Variants in AP5Z1 observed in about 807,000 individuals in gnomAD.
AP5Z1 encodes the protein adaptor related protein complex 5 subunit zeta 1, also known as AP-5 complex subunit zeta-1.
AP5Z1 carries 106 observed loss-of-function variants against 83.0 expected under a neutral mutation model. That is an observed-to-expected ratio of 1.28 (90% CI 1.09 to 1.50). AP5Z1 has a LOEUF of 1.50. Among genes scored for constraint, AP5Z1 ranks in the 40% most tolerant of loss-of-function variants. The probability of loss-of-function intolerance (pLI) is 0.00; values close to 1 mark genes in which losing one functional copy is unlikely to be tolerated. For synonymous variants in AP5Z1, 751 were observed against 514.1 expected (o/e 1.46, Z -6.23); for missense variants, 1,565 against 1,094.2 (o/e 1.43, Z -6.07).
chr7:4,784,122 C>A (rs1781463817), intron 5 of AP5Z1, 81 bp from the exon 6 acceptor site: 9 of 1,465,890 alleles, frequency 6.1e-6, no homozygotes, highest in Non-Finnish European at 8.2e-6. Context: ...TCTCCTCCAC[C>A]TCCTGAGGAG....
chr7:4,775,870 A>C, intron 1 of AP5Z1, 114 bp downstream of exon 1: 1 of 1,428,828 alleles, frequency 7.0e-7, no homozygotes, highest in Admixed American at 2.2e-5. Context: ...ACCCGACTGG[A>C]CTCGCCCTCG....
chr7:4,778,403 T>C (rs1039424123), intron 1 of AP5Z1, among the ~76,000 whole-genome samples: 1 of 152,128 alleles, frequency 6.6e-6, no homozygotes, highest in African/African-American at 2.4e-5. Flanking sequence ...AGGTCGGGGA[T>C]TTCCAGGAGG....
intron 1 of AP5Z1, among the ~76,000 whole-genome samples, chr7:4,778,785 TA>T (rs1781289038): frequency 6.8e-6 from 1 of 146,454 alleles, no homozygotes. Context: ...TATTTAGTAA[TA>T]TATAATATAA....
intron 6 of AP5Z1, 130 bp downstream of exon 6, chr7:4,784,501 G>A: frequency 1.7e-6 from 2 of 1,147,204 alleles, no homozygotes; most frequent in Non-Finnish European, 2.4e-6. Context: ...TCAGGACTGA[G>A]CAACGCAGCC....
chr7:4,790,582 C>T lies in AP5Z1; in HGVS notation c.1929C>T (p.Val643=), dbSNP rs1045110273. The T allele has an allele frequency of 1.9e-6, 3 of 1,613,036 alleles. No homozygotes were observed. The highest frequency in any genetic ancestry group is 2.5e-6 in the Non-Finnish European group (3 of 1,179,858). ...VNGLCSRASL[V]TSVVWAIGEY... is the part of the protein sequence containing the mutation. ...GTCTCTGCAGCAGGGCGAGCCTCGT[C>T]ACCAGCGTGGTAAGGCGGGCGCTGG... is the stretch of plus-strand genomic sequence containing the variant. Residue 643 remains valine (V), a synonymous_variant, in exon 15 of 17, where the codon GTC becomes GTT. Transcript: ENST00000649063.
At chr7:4,784,750 A>C (rs1303912160) in intron 6 of AP5Z1, among the ~76,000 whole-genome samples, 158 bp from the exon 7 acceptor site, 2 of 152,148 alleles carry the variant, frequency 1.3e-5, no homozygotes, top group Non-Finnish European at 2.9e-5. Context: ...GTGATGGGGA[A>C]GCTGCCGGGT....
intron 1 of AP5Z1, among the ~76,000 whole-genome samples, chr7:4,778,682 C>A (rs1471833601): frequency 1.3e-5 from 2 of 150,234 alleles, no homozygotes; most frequent in African/African-American, 2.5e-5. Context: ...GGGGTTCCAC[C>A]TTTCTGGGAA....
At position 4,791,595 on chromosome 7, in the gene AP5Z1, C is replaced by A; in HGVS notation, c.*210C>A. ...CTCCGAGCCTTTTGCTCCCAGGCAA[C>A]ACTGAGCTGAGCTGAGGGGTGCCAT... On this transcript the variant is annotated 3_prime_UTR_variant, in exon 17 of 17. Transcript: ENST00000649063. 1 of 723,686 alleles carries A rather than the reference C, an allele frequency of 1.4e-6. No individual in the cohort carries two copies. 44.8% of individuals were successfully genotyped at this position (723,686 alleles called of 1,614,324 possible). A position where few individuals can be genotyped will look rare whatever the true frequency, so the allele number is the denominator to read the frequency against.
chr7:4,791,673 T>TGTG lies in AP5Z1; in HGVS notation c.*289_*290insTGG. ...CCCTGTGGCTGGGTCGGGTGGAGGC[T>TGTG]GCTGGGTCTGTTTCCTAGTCTTTTG... is the stretch of plus-strand genomic sequence containing the variant. On this transcript the variant is annotated 3_prime_UTR_variant, in exon 17 of 17. Transcript: ENST00000649063. The TGTG allele has an allele frequency of 2.0e-6, 1 of 503,476 alleles. No homozygotes were observed. The highest frequency in any genetic ancestry group is 1.9e-5 in the African/African-American group (1 of 52,406). 31.2% of individuals were successfully genotyped at this position (503,476 alleles called of 1,614,324 possible).
chr7:4,778,300 C>G (rs374245724), intron 1 of AP5Z1, among the ~76,000 whole-genome samples: 20 of 152,098 alleles, frequency 1.3e-4, no homozygotes, highest in African/African-American at 4.1e-4. Flanking sequence ...AGCAAGGGTG[C>G]AAAAAGTGAT....
At chr7:4,789,740 C>T (rs12155405) in intron 13 of AP5Z1, 92 bp from the exon 14 acceptor site, 5 of 939,170 alleles carry the variant, frequency 5.3e-6, no homozygotes, top group African/African-American at 1.7e-5. Flanking sequence ...CAGCCCCTCA[C>T]CTGCCCCCCA....
chr7:4,783,368 T>C lies in AP5Z1; in HGVS notation c.419T>C (p.Leu140Pro), dbSNP rs1291755306. Residue 140 changes from leucine (L) to proline (P), a missense_variant, in exon 4 of 17, where the codon CTG (leucine) becomes CCG (proline). Transcript: ENST00000649063. ...GTGGGCCAGGGCGTGCTACGAGCGC[T>C]GGAGAGCCGGCAGCCTGAGGGACCC... ...RAVGQGVLRALESRQPEGPSL... is the reference protein window; with the variant it reads ...RAVGQGVLRAPESRQPEGPSL... The C allele has an allele frequency of 1.9e-5, 30 of 1,613,016 alleles. No individual in the cohort carries two copies. The highest frequency in any genetic ancestry group is 2.4e-5 in the Non-Finnish European group (28 of 1,179,774).
chr7:4,785,093 A>G, intron 7 of AP5Z1, 45 bp downstream of exon 7: 1 of 1,549,262 alleles, frequency 6.5e-7, no homozygotes, highest in East Asian at 2.3e-5. Flanking sequence ...GGCTCGACGC[A>G]CCTGCTCTGC....
At position 4,791,459 on chromosome 7, in the gene AP5Z1, A is replaced by G. The variant is rs1781770513; in HGVS notation, c.*74A>G. 2 of 1,495,056 alleles carry G rather than the reference A, an allele frequency of 1.3e-6. No homozygotes were observed. Among genetic ancestry groups the G allele is most frequent in the African/African-American group, 1.4e-5 (1 of 72,014 alleles). The allele number at this position is 1,495,056 out of a possible 1,614,324, so 92.6% of individuals were successfully genotyped here. On this transcript the variant is annotated 3_prime_UTR_variant, in exon 17 of 17. Transcript: ENST00000649063. ...AGCTTGCTACTGAGGCCAGGCTGATAGGAGCTCAGGAGGGCGCGGGAGTCC... is the reference window on the plus strand; with the variant it reads ...AGCTTGCTACTGAGGCCAGGCTGATGGGAGCTCAGGAGGGCGCGGGAGTCC...
At chr7:4,777,634 C>G (rs955496113) in intron 1 of AP5Z1, among the ~76,000 whole-genome samples, 1 of 152,160 alleles carries the variant, frequency 6.6e-6, no homozygotes, top group Non-Finnish European at 1.5e-5. Context: ...GGTGATCCGC[C>G]TGACTCGGCC....
rs919446954 is a variant in AP5Z1, at chr7:4,785,687, G to A, written c.1132+3G>A. The A allele has an allele frequency of 1.3e-6, 2 of 1,526,680 alleles. No homozygotes were observed. Among genetic ancestry groups the A allele is most frequent in the African/African-American group, 2.7e-5 (2 of 73,484 alleles). The allele number at this position is 1,526,680 out of a possible 1,614,324, so 94.6% of individuals were successfully genotyped here. A position where few individuals can be genotyped will look rare whatever the true frequency, so the allele number is the denominator to read the frequency against. On this transcript the variant is annotated splice_donor_region_variant and intron_variant, in intron 9 of 16. Transcript: ENST00000649063. Reference sequence around the variant, plus strand: ...CGCCCACTTCTTCCTGAGCCACGGTGAGCCCAGGGTGGGGTGGCGCTGACT... The same window carrying A: ...CGCCCACTTCTTCCTGAGCCACGGTAAGCCCAGGGTGGGGTGGCGCTGACT...
rs539983569 is a variant in AP5Z1 at position 4,779,604 on chromosome 7, TG to T, written c.42-1568del. Among the ~76,000 whole-genome samples, 189 of 151,754 alleles carry T rather than the reference TG, an allele frequency of 1.2e-3. 1 individual carries two copies. Among genetic ancestry groups the T allele is most frequent in the African/African-American group, 4.0e-3 (165 of 41,456 alleles). ...CTCCCACCTCAGCCTTTCAAGTGGC[TG>T]GGACTACACCATGCCCAGTGAATTT... On this transcript the variant is annotated intron_variant, in intron 1 of 16. Transcript: ENST00000649063.
At chr7:4,781,113 ATCCTTTTTTTG>A in intron 1 of AP5Z1, 51 bp from the exon 2 acceptor site, 1 of 1,581,420 alleles carries the variant, frequency 6.3e-7, no homozygotes, top group Non-Finnish European at 8.6e-7. Context: ...TCCAAGGGTT[ATCCTTTTTTTG>A]GTTCCGAGCA....
At position 4,791,613 on chromosome 7, in the gene AP5Z1, G is replaced by C; in HGVS notation, c.*228G>C. ...CAGGCAACACTGAGCTGAGCTGAGG[G>C]GTGCCATGGAGCGGCTCTGATTGGA... On this transcript the variant is annotated 3_prime_UTR_variant, in exon 17 of 17. Coordinates refer to ENST00000649063, the MANE Select transcript of AP5Z1 (RefSeq NM_014855.3). 1.6e-6 allele frequency: 1 copy of C among 639,968 alleles called. No homozygotes were observed. Among genetic ancestry groups the C allele is most frequent in the Non-Finnish European group, 2.6e-6 (1 of 388,922 alleles). The allele number at this position is 639,968 out of a possible 1,614,324, so 39.6% of individuals were successfully genotyped here. A position where few individuals can be genotyped will look rare whatever the true frequency, so the allele number is the denominator to read the frequency against.
Sources: allele counts gnomAD v4.1 joint callset (sites outside exome capture counted in the v4.1 genomes callset), GRCh38; gene constraint gnomAD v4.1.1; transcripts MANE v1.5; gene names NCBI Gene and HGNC (gene_info 2026-07-23, HGNC 2026-07-21).